Variants in PAX3 observed in about 807,000 individuals in gnomAD.
PAX3 encodes the protein paired box 3.
Under a neutral mutation model 51.6 loss-of-function variants are expected in PAX3, and 14 were observed. That is an observed-to-expected ratio of 0.27 (90% CI 0.18 to 0.42). The LOEUF is 0.42. Among genes scored for constraint, PAX3 ranks in the 10% least tolerant of loss-of-function variants. The probability of loss-of-function intolerance (pLI) is 1.00; values close to 1 mark genes in which losing one functional copy is unlikely to be tolerated. For missense variants in PAX3, 540 were observed against 642.8 expected, an observed-to-expected ratio of 0.84 and a Z score of 1.73; for synonymous variants, 280 against 253.4, an observed-to-expected ratio of 1.11 and a Z score of -1.00.
At chr2:222,240,818 G>A (rs1386146437) in intron 4 of PAX3, among the ~76,000 whole-genome samples, 2 of 152,086 alleles carry the variant, frequency 1.3e-5, no homozygotes, top group African/African-American at 4.8e-5. Flanking sequence ...GAATGACATC[G>A]CCCTTTCCTA....
At chr2:222,239,496 A>G (rs1364297717) in intron 4 of PAX3, among the ~76,000 whole-genome samples, 2 of 152,106 alleles carry the variant, frequency 1.3e-5, no homozygotes, top group Admixed American at 1.3e-4. Flanking sequence ...AAAATTGTAT[A>G]TATGTTGAGA....
intron 7 of PAX3, among the ~76,000 whole-genome samples, chr2:222,206,643 T>C (rs759445841): frequency 8.5e-5 from 13 of 152,186 alleles, no homozygotes; most frequent in Admixed American, 7.9e-4. Flanking sequence ...TGGAAGATTA[T>C]ATGGTTCAGG....
chr2:222,288,527 C>T (rs1309065544), intron 4 of PAX3, among the ~76,000 whole-genome samples: 2 of 152,174 alleles, frequency 1.3e-5, no homozygotes, highest in Non-Finnish European at 2.9e-5. Flanking sequence ...TTATTCCCTA[C>T]CTACTTTTAC....
intron 4 of PAX3, among the ~76,000 whole-genome samples, chr2:222,260,565 GTTTTTTT>G (rs869129158): frequency 1.8e-5 from 1 of 55,850 alleles, no homozygotes; most frequent in Non-Finnish European, 3.6e-5. Context: ...TTTTTTTTTT[GTTTTTTT>G]TTTTTGTTTT....
chr2:222,288,802 A>G (rs760326142), intron 4 of PAX3, among the ~76,000 whole-genome samples: 1 of 152,236 alleles, frequency 6.6e-6, no homozygotes, highest in Non-Finnish European at 1.5e-5. Context: ...CCTATTTCTT[A>G]AAGAGAATTT....
At chr2:222,273,212 CAA>C (rs1283827975) in intron 4 of PAX3, among the ~76,000 whole-genome samples, 2 of 152,164 alleles carry the variant, frequency 1.3e-5, no homozygotes, top group African/African-American at 4.8e-5. Context: ...ATAATTTCTT[CAA>C]CCAGCATGTT....
intron 4 of PAX3, among the ~76,000 whole-genome samples, chr2:222,279,910 C>T (rs1694575162): frequency 6.6e-6 from 1 of 152,012 alleles, no homozygotes; most frequent in Non-Finnish European, 1.5e-5. Flanking sequence ...ACTGGCACCC[C>T]ATTAGAAATA....
intron 5 of PAX3, among the ~76,000 whole-genome samples, chr2:222,225,605 A>G (rs2106082906): frequency 6.6e-6 from 1 of 152,278 alleles, no homozygotes; most frequent in South Asian, 2.1e-4. Context: ...TCAGCTCCTC[A>G]TTTATATTAA....
At chr2:222,235,713 G>A (rs73990989) in intron 4 of PAX3, among the ~76,000 whole-genome samples, 2 of 152,040 alleles carry the variant, frequency 1.3e-5, no homozygotes, top group African/African-American at 4.8e-5. Flanking sequence ...AAGGGCAAAA[G>A]CTCCCTTGAT....
intron 4 of PAX3, among the ~76,000 whole-genome samples, chr2:222,256,983 T>C (rs1322003107): frequency 6.6e-6 from 1 of 152,178 alleles, no homozygotes; most frequent in Admixed American, 6.5e-5. Context: ...AGACAATAAA[T>C]ATAATCAATA....
intron 4 of PAX3, among the ~76,000 whole-genome samples, chr2:222,266,804 T>C (rs1694069973): frequency 6.6e-6 from 1 of 152,170 alleles, no homozygotes; most frequent in South Asian, 2.1e-4. Context: ...AACCATGAGA[T>C]CCCAAATATC....
chr2:222,284,514 C>T (rs2106180410), intron 4 of PAX3, among the ~76,000 whole-genome samples: 1 of 152,300 alleles, frequency 6.6e-6, no homozygotes, highest in East Asian at 1.9e-4. Context: ...TTTTTATACC[C>T]ATTAAATCGA....
At chr2:222,285,328 A>C (rs752411436) in intron 4 of PAX3, among the ~76,000 whole-genome samples, 3 of 152,232 alleles carry the variant, frequency 2.0e-5, no homozygotes, top group Non-Finnish European at 4.4e-5. Flanking sequence ...CTTTTGAAAG[A>C]AAGAGGTAGT....
chr2:222,266,001 G>A (rs1293681979), intron 4 of PAX3, among the ~76,000 whole-genome samples: 2 of 152,208 alleles, frequency 1.3e-5, no homozygotes, highest in Non-Finnish European at 1.5e-5. Flanking sequence ...CCAGTAGTTG[G>A]TTGATCCAGG....
At chr2:222,296,616 T>C (rs1695310096) in intron 2 of PAX3, among the ~76,000 whole-genome samples, 1 of 152,150 alleles carries the variant, frequency 6.6e-6, no homozygotes, top group Non-Finnish European at 1.5e-5. Context: ...GACGGTGCCA[T>C]GGGTGGGAGC....
At chr2:222,253,479 G>A (rs938965439) in intron 4 of PAX3, among the ~76,000 whole-genome samples, 9 of 150,746 alleles carry the variant, frequency 6.0e-5, no homozygotes, top group Non-Finnish European at 1.3e-4. Context: ...CCTAGGTGAT[G>A]CACCACAGAA....
intron 4 of PAX3, among the ~76,000 whole-genome samples, chr2:222,278,888 C>T (rs1451103480): frequency 6.6e-6 from 1 of 152,220 alleles, no homozygotes; most frequent in East Asian, 1.9e-4. Flanking sequence ...AGAGCAAATA[C>T]TTTCCATTTA....
chr2:222,257,852 G>A (rs1232323121), intron 4 of PAX3, among the ~76,000 whole-genome samples: 2 of 152,196 alleles, frequency 1.3e-5, no homozygotes, highest in African/African-American at 4.8e-5. Context: ...CCCCCACGCT[G>A]CTGACTGCAT....
chr2:222,265,073 TG>T (rs1332091301), intron 4 of PAX3: 2 of 152,074 alleles, frequency 1.3e-5, no homozygotes, highest in Non-Finnish European at 2.9e-5. Flanking sequence ...CTTAAACACA[TG>T]AGATTGTTGT....
Sources: allele counts gnomAD v4.1 joint callset (sites outside exome capture counted in the v4.1 genomes callset), GRCh38; gene constraint gnomAD v4.1.1; transcripts MANE v1.5; gene names NCBI Gene and HGNC (gene_info 2026-07-23, HGNC 2026-07-21).